The following SLC24A4 variants were observed in gnomAD, a reference collection of about 807,000 sequenced individuals.
The protein encoded by SLC24A4 is sodium/potassium/calcium exchanger 4.
In SLC24A4, 53 loss-of-function variants were observed where a neutral mutation model predicts 79.0. That is an observed-to-expected ratio of 0.67 (90% CI 0.54 to 0.84). SLC24A4 has a LOEUF of 0.84. Among genes scored for constraint, SLC24A4 ranks in the 40% least tolerant of loss-of-function variants. The pLI is 0.00. For synonymous variants in SLC24A4, 323 were observed against 323.8 expected, an observed-to-expected ratio of 1.00 and a Z score of 0.03; for missense variants, 731 against 822.0, an observed-to-expected ratio of 0.89 and a Z score of 1.35.
chr14:92,345,327 C>T (rs974870975), intron 2 of SLC24A4, among the ~76,000 whole-genome samples: 2 of 152,164 alleles, frequency 1.3e-5, no homozygotes, highest in Admixed American at 6.5e-5. Flanking sequence ...AACCCTTCTG[C>T]GCCTCTGTTT....
In SLC24A4 at chr14:92,498,808, A is replaced by AT. The variant is rs1896029542; in HGVS notation, c.*5184dup. 2 of 152,254 alleles carry AT rather than the reference A, an allele frequency of 1.3e-5. No individual in the cohort carries two copies. Among genetic ancestry groups the AT allele is most frequent in the Non-Finnish European group, 1.5e-5 (1 of 68,064 alleles). 9.4% of individuals were successfully genotyped at this position (152,254 alleles called of 1,614,324 possible). On this transcript the variant is annotated 3_prime_UTR_variant, in exon 17 of 17. Coordinates refer to ENST00000532405, the MANE Select transcript of SLC24A4 (RefSeq NM_153646.4). ...CCACCGCACCTGGCCAAAAAAAGGC[A>AT]TTTTGATTTAGGTTGCTGTGTTTGC... is the stretch of plus-strand genomic sequence containing the variant.
In SLC24A4 at chr14:92,492,959, AACACACACACACACACACAC is replaced by A. The variant is rs551206469; in HGVS notation, c.1717-477_1717-458del. ...TTCCGTGCTTTAACCCTCTACCCCAAACACACACACACACACACACACACACACACACACACACACACACA... is the reference window on the plus strand; with the variant it reads ...TTCCGTGCTTTAACCCTCTACCCCAAACACACACACACACACACACACACA... On this transcript the variant is annotated intron_variant, in intron 16 of 16. Transcript: ENST00000532405. The A allele has an allele frequency of 4.0e-3, 1,199 of 298,942 alleles. 4 individuals carry two copies. The highest frequency in any genetic ancestry group is 7.0e-3 in the East Asian group (65 of 9,258). The allele number at this position is 298,942 out of a possible 1,614,324, so 18.5% of individuals were successfully genotyped here.
chr14:92,442,880 T>C, intron 6 of SLC24A4, 64 bp downstream of exon 6: 1 of 1,353,634 alleles, frequency 7.4e-7, no homozygotes, highest in South Asian at 1.2e-5. Flanking sequence ...GAGCCTCTAA[T>C]GACAAGAGGT....
chr14:92,373,065 C>A (rs928484359), intron 2 of SLC24A4, among the ~76,000 whole-genome samples: 1 of 149,186 alleles, frequency 6.7e-6, no homozygotes. Flanking sequence ...TGCAGTGATG[C>A]GATCTTGGCT....
intron 8 of SLC24A4, among the ~76,000 whole-genome samples, chr14:92,446,950 C>G (rs1278403625): frequency 2.6e-5 from 4 of 152,188 alleles, no homozygotes; most frequent in African/African-American, 9.7e-5. Flanking sequence ...GACTGGGGCC[C>G]CTTTCCTCCC....
intron 13 of SLC24A4, among the ~76,000 whole-genome samples, chr14:92,485,073 G>T (rs1895279750): frequency 6.6e-6 from 1 of 152,198 alleles, no homozygotes; most frequent in Non-Finnish European, 1.5e-5. Context: ...ATGAGATGCA[G>T]CAGTGCTGTT....
At chr14:92,489,078 G>A (rs1218669783) in intron 14 of SLC24A4, among the ~76,000 whole-genome samples, 1 of 152,060 alleles carries the variant, frequency 6.6e-6, no homozygotes, top group Admixed American at 6.6e-5. Flanking sequence ...CCAGGGGCGG[G>A]GGTTGCGTAA....
chr14:92,323,830 G>A lies in SLC24A4; in HGVS notation c.-1G>A. ...CAGAGACGGCACCCAGGCGCTCCGG[G>A]ATGGCGCTCCGCGGGACCCTCCGGC... On this transcript the variant is annotated 5_prime_UTR_variant, in exon 1 of 17. Coordinates refer to ENST00000532405, the MANE Select transcript of SLC24A4 (RefSeq NM_153646.4). This position sits in a 1 kb window ranked among gnomAD's most constrained non-coding sequence, Gnocchi z 4.9. 2 of 1,571,750 alleles carry A rather than the reference G, an allele frequency of 1.3e-6. No individual in the cohort carries two copies. The highest frequency in any genetic ancestry group is 1.7e-6 in the Non-Finnish European group (2 of 1,166,344).
intron 2 of SLC24A4, among the ~76,000 whole-genome samples, chr14:92,373,251 C>A (rs1888309236): frequency 6.6e-6 from 1 of 151,610 alleles, no homozygotes; most frequent in Admixed American, 6.6e-5. Context: ...ACCATGTTGG[C>A]CAGGCTGGTC....
At position 92,464,404 on chromosome 14, in the gene SLC24A4, A is replaced by T. The variant is rs112344520; in HGVS notation, c.1255+7796A>T. 4.4e-3 allele frequency among the ~76,000 whole-genome samples: 670 copies of T among 152,244 alleles called. 6 individuals are homozygous for T. The highest frequency in any genetic ancestry group is 0.015 in the African/African-American group (631 of 41,534). On this transcript the variant is annotated intron_variant, in intron 12 of 16. Transcript: ENST00000532405. ...TATAGTACATGCTGGGAGTGGGGAG[A>T]TAAAGACCTGCCCGGGACCACGTGT...
chr14:92,327,462 C>T (rs1885213021), intron 2 of SLC24A4, among the ~76,000 whole-genome samples: 1 of 152,216 alleles, frequency 6.6e-6, no homozygotes, highest in African/African-American at 2.4e-5. Flanking sequence ...GAAAAACATG[C>T]GTGAGGCCAA....
chr14:92,372,692 G>T (rs1035060774), intron 2 of SLC24A4, among the ~76,000 whole-genome samples: 1 of 152,016 alleles, frequency 6.6e-6, no homozygotes, highest in African/African-American at 2.4e-5. Flanking sequence ...CTCGAGTTTG[G>T]CCCCTCAGCT....
chr14:92,398,639 C>A lies in SLC24A4; in HGVS notation c.242-35273C>A, dbSNP rs1403808100. 6.6e-6 allele frequency among the ~76,000 whole-genome samples: 1 copy of A among 152,210 alleles called. No homozygotes were observed. The highest frequency in any genetic ancestry group is 2.4e-5 in the African/African-American group (1 of 41,454). On this transcript the variant is annotated intron_variant, in intron 2 of 16. Transcript: ENST00000532405. The surrounding 1 kb of genome is among the most constrained non-coding windows in gnomAD (Gnocchi z 4.1). ...GACAGGCTCCTTCACATCTGTCCCA[C>A]CTGGCATGGCTCAGAACATACCCCT...
chr14:92,351,188 G>A (rs955505687), intron 2 of SLC24A4, among the ~76,000 whole-genome samples: 4 of 149,794 alleles, frequency 2.7e-5, no homozygotes, highest in Non-Finnish European at 6.0e-5. Context: ...GGTCACTTGG[G>A]CTTAGCTGAA....
intron 3 of SLC24A4, 89 bp from the exon 4 acceptor site, chr14:92,439,246 C>A: frequency 1.8e-6 from 2 of 1,113,416 alleles, no homozygotes; most frequent in Non-Finnish European, 2.7e-6. Context: ...TGGCCTCTGC[C>A]CTGGCAGCCT....
intron 3 of SLC24A4, among the ~76,000 whole-genome samples, chr14:92,436,679 G>A (rs1239397859): frequency 6.6e-6 from 1 of 152,212 alleles, no homozygotes; most frequent in Non-Finnish European, 1.5e-5. Flanking sequence ...TTAGGGGCCA[G>A]TTTTGCCTGC....
intron 2 of SLC24A4, among the ~76,000 whole-genome samples, chr14:92,347,414 AT>A (rs1179037249): frequency 3.3e-5 from 5 of 152,212 alleles, no homozygotes; most frequent in African/African-American, 9.6e-5. Flanking sequence ...TGAGGAAGGG[AT>A]GATGCATTTT....
At chr14:92,399,634 A>T (rs1401004574) in intron 2 of SLC24A4, among the ~76,000 whole-genome samples, 2 of 152,108 alleles carry the variant, frequency 1.3e-5, no homozygotes, top group Non-Finnish European at 2.9e-5. Flanking sequence ...CTGCCTTCAC[A>T]CTGGTGATTT....
intron 2 of SLC24A4, among the ~76,000 whole-genome samples, chr14:92,415,728 G>A (rs1187289648): frequency 6.6e-6 from 1 of 152,104 alleles, no homozygotes. Flanking sequence ...AAAGTGCTGG[G>A]ATTACAGGCA....
Sources: gnomAD v4.1 joint callset for allele counts (sites outside exome capture counted in the v4.1 genomes callset) on GRCh38, gnomAD v4.1.1 for gene constraint, Gnocchi (gnomAD v3.1) non-coding constraint, MANE v1.5 for transcripts, NCBI Gene and HGNC (gene_info 2026-07-23, HGNC 2026-07-21) for gene names.